EYS: variants seen among roughly 807,000 people sequenced by gnomAD.
The protein encoded by EYS is EGF-like photoreceptor maintenance factor.
A neutral mutation model predicts 282.1 loss-of-function variants in EYS; 250 were observed. The observed-to-expected ratio is 0.89, with a 90% CI of 0.80 to 0.98. EYS has a LOEUF of 0.98. Among genes scored for constraint, EYS ranks in the 50% least tolerant of loss-of-function variants. The probability of loss-of-function intolerance (pLI) is 0.00; values close to 1 mark genes in which losing one functional copy is unlikely to be tolerated. For missense variants in EYS, 4,016 were observed against 3,709.0 expected (o/e 1.08, Z -2.15); for synonymous variants, 1,355 against 1,282.9 (o/e 1.06, Z -1.20).
chr6:64,440,791 A>T (rs896246455), intron 26 of EYS, among the ~76,000 whole-genome samples: 1 of 152,174 alleles, frequency 6.6e-6, no homozygotes, highest in Non-Finnish European at 1.5e-5. Flanking sequence ...AAACATTACA[A>T]GAAGAATATA....
intron 1 of EYS, among the ~76,000 whole-genome samples, chr6:65,688,124 A>C (rs1562329101): frequency 6.6e-6 from 1 of 152,170 alleles, no homozygotes. Context: ...CACATTGCCA[A>C]ATCAATCCTA....
intron 30 of EYS, among the ~76,000 whole-genome samples, chr6:64,251,069 A>G (rs1483572165): frequency 6.6e-6 from 1 of 152,126 alleles, no homozygotes; most frequent in African/African-American, 2.4e-5. Context: ...TACTGAAGCA[A>G]TGGATTTTGC....
At chr6:64,919,682 A>T (rs1028092981) in intron 15 of EYS, among the ~76,000 whole-genome samples, 5 of 152,080 alleles carry the variant, frequency 3.3e-5, no homozygotes, top group Non-Finnish European at 7.4e-5. Flanking sequence ...TAATTCCTTG[A>T]TATAATTCTC....
intron 12 of EYS, among the ~76,000 whole-genome samples, chr6:65,207,096 C>T (rs1324036005): frequency 6.6e-6 from 1 of 151,774 alleles, no homozygotes; most frequent in African/African-American, 2.4e-5. Flanking sequence ...TCTCTATTCA[C>T]TGATGGCATG....
intron 31 of EYS, among the ~76,000 whole-genome samples, chr6:64,192,499 T>C (rs1765146218): frequency 6.6e-6 from 1 of 152,068 alleles, no homozygotes; most frequent in Non-Finnish European, 1.5e-5. Context: ...ATCAATGGAA[T>C]AGAACAGAGC....
At chr6:65,054,279 T>C (rs1354547265) in intron 13 of EYS, among the ~76,000 whole-genome samples, 1 of 151,974 alleles carries the variant, frequency 6.6e-6, no homozygotes, top group Non-Finnish European at 1.5e-5. Context: ...CTCAGTATAA[T>C]AGGGGTATTC....
intron 15 of EYS, among the ~76,000 whole-genome samples, chr6:64,923,666 G>A (rs1768424610): frequency 6.6e-6 from 1 of 152,174 alleles, no homozygotes; most frequent in Non-Finnish European, 1.5e-5. Flanking sequence ...CAGGTATTGG[G>A]TAAGTACAGC....
At chr6:64,476,577 G>T (rs924790520) in intron 26 of EYS, among the ~76,000 whole-genome samples, 4 of 151,910 alleles carry the variant, frequency 2.6e-5, no homozygotes, top group African/African-American at 7.3e-5. Context: ...TTGAAAAAAG[G>T]TGATCATTTT....
At chr6:64,604,485 T>A (rs758778339) in intron 24 of EYS, among the ~76,000 whole-genome samples, 8 of 151,972 alleles carry the variant, frequency 5.3e-5, no homozygotes, top group Non-Finnish European at 1.0e-4. Flanking sequence ...TTCCACAGAG[T>A]AGAAGCACAC....
At chr6:64,150,662 T>C (rs1774671808) in intron 31 of EYS, among the ~76,000 whole-genome samples, 1 of 152,006 alleles carries the variant, frequency 6.6e-6, no homozygotes, top group Non-Finnish European at 1.5e-5. Flanking sequence ...TACCAAAATA[T>C]ATAGCAAGGT....
intron 22 of EYS, among the ~76,000 whole-genome samples, chr6:64,729,686 C>T (rs548395022): frequency 5.3e-5 from 8 of 151,782 alleles, no homozygotes; most frequent in East Asian, 1.9e-4. Context: ...TTTTTTTGTC[C>T]GTAAAAGTAA....
intron 5 of EYS, among the ~76,000 whole-genome samples, chr6:65,453,878 G>T (rs115173586): frequency 7.8e-4 from 118 of 152,028 alleles, no homozygotes; most frequent in Non-Finnish European, 1.6e-3. Flanking sequence ...TTGATGGCTA[G>T]ATAGTATTCC....
chr6:64,661,389 T>G (rs549140070), intron 22 of EYS, among the ~76,000 whole-genome samples: 104 of 152,084 alleles, frequency 6.8e-4, no homozygotes, highest in African/African-American at 2.2e-3. Context: ...TGACAAATGG[T>G]ATCTAATTAA....
chr6:64,372,759 T>G lies in EYS; in HGVS notation c.6078+15931A>C, dbSNP rs981958912. On this transcript the variant is annotated intron_variant, in intron 29 of 42. Transcript: ENST00000503581. ...TTCATTCTTTATTGTTTTTCCTTTA[T>G]TTTTGTCTGACTAATTTATTTTGGA... Among the ~76,000 whole-genome samples the G allele has an allele frequency of 3.3e-5, 5 of 152,202 alleles. No homozygotes were observed. In the East Asian group the frequency reaches 9.6e-4, roughly 29 times the overall value.
At chr6:64,714,516 C>CTTTTTTTT (rs55730437) in intron 22 of EYS, among the ~76,000 whole-genome samples, 8 of 127,914 alleles carry the variant, frequency 6.3e-5, no homozygotes, top group East Asian at 2.5e-4. Context: ...TTCTTTCTTT[C>CTTTTTTTT]TTTTTTTTTT....
intron 13 of EYS, among the ~76,000 whole-genome samples, chr6:65,010,716 T>C (rs933003725): frequency 1.3e-5 from 2 of 152,182 alleles, no homozygotes; most frequent in Admixed American, 6.5e-5. Flanking sequence ...ACTCAGGCAC[T>C]AAAATTAGGA....
intron 15 of EYS, among the ~76,000 whole-genome samples, chr6:64,936,614 G>T (rs561784267): frequency 6.6e-6 from 1 of 151,460 alleles, no homozygotes; most frequent in East Asian, 1.9e-4. Flanking sequence ...AAAAATCAGT[G>T]CTGTCTCTAT....
chr6:65,409,974 T>C (rs1766913787), intron 5 of EYS, among the ~76,000 whole-genome samples: 1 of 152,088 alleles, frequency 6.6e-6, no homozygotes, highest in Non-Finnish European at 1.5e-5. Context: ...TATATAAGCA[T>C]TTATTTTGAT....
In EYS at chr6:63,902,013, C is replaced by T. The variant is rs1773671118; in HGVS notation, c.7056-37655G>A. ...GTTCAAGTGACCCTTCTGCCCCACCCTTCTAAGCAGCTAGGATTACAGGTA... is the reference window on the plus strand; with the variant it reads ...GTTCAAGTGACCCTTCTGCCCCACCTTTCTAAGCAGCTAGGATTACAGGTA... On this transcript the variant is annotated intron_variant, in intron 35 of 42. Transcript: ENST00000503581. Among the ~76,000 whole-genome samples the T allele has an allele frequency of 2.0e-5, 3 of 152,078 alleles. 1 individual carries two copies. The South Asian group carries it at 6.2e-4, about 32-fold the overall frequency.
Sources: allele counts gnomAD v4.1 joint callset (sites outside exome capture counted in the v4.1 genomes callset), GRCh38; gene constraint gnomAD v4.1.1; transcripts MANE v1.5; gene names NCBI Gene and HGNC (gene_info 2026-07-23, HGNC 2026-07-21).